Variants in RPRD1B observed in about 807,000 individuals in gnomAD.
The protein encoded by RPRD1B is regulation of nuclear pre-mRNA domain-containing protein 1B.
RPRD1B carries 11 observed loss-of-function variants against 41.5 expected under a neutral mutation model. That is an observed-to-expected ratio of 0.27 (90% confidence interval 0.17 to 0.44). The LOEUF is 0.44. Ranked by LOEUF, RPRD1B falls within the 20% of genes least tolerant of loss-of-function variation. The probability of loss-of-function intolerance (pLI) is 1.00; values close to 1 mark genes in which losing one functional copy is unlikely to be tolerated. For synonymous variants in RPRD1B, 158 were observed against 155.6 expected (o/e 1.02, Z -0.12); for missense variants, 248 against 389.9 (o/e 0.64, Z 3.06).
intron 2 of RPRD1B, among the ~76,000 whole-genome samples, chr20:38,045,455 C>T (rs2074111335): frequency 6.6e-6 from 1 of 152,162 alleles, no homozygotes; most frequent in Non-Finnish European, 1.5e-5. Flanking sequence ...ACTTATCTAG[C>T]AAAACTTTGA....
intron 6 of RPRD1B, among the ~76,000 whole-genome samples, chr20:38,077,254 C>T (rs2074471828): frequency 6.6e-6 from 1 of 152,176 alleles, no homozygotes; most frequent in South Asian, 2.1e-4. Flanking sequence ...CTTAGGCTGG[C>T]TTCAGTTACC....
In RPRD1B at chr20:38,090,084, C is replaced by G. The variant is rs967614705; in HGVS notation, c.*209C>G. The G allele has an allele frequency of 7.8e-7, 1 of 1,289,092 alleles. No individual in the cohort carries two copies. The highest frequency in any genetic ancestry group is 9.8e-7 in the Non-Finnish European group (1 of 1,016,228). The allele number at this position is 1,289,092 out of a possible 1,614,324, so 79.9% of individuals were successfully genotyped here. On this transcript the variant is annotated 3_prime_UTR_variant, in exon 7 of 7. Transcript: ENST00000373433. ...TGGCGACTGGAATCTGGTTTATATT[C>G]ATATTTGCAAAGACTACAGACTTTT... is the stretch of plus-strand genomic sequence containing the variant.
At chr20:38,057,760 C>T (rs1360490972) in intron 4 of RPRD1B, 116 bp downstream of exon 4, 1 of 688,434 alleles carries the variant, frequency 1.5e-6, no homozygotes. Context: ...GAGGGCACCT[C>T]TCAGGGGCCC....
At chr20:38,035,232 G>A in intron 1 of RPRD1B, among the ~76,000 whole-genome samples, 1 of 152,280 alleles carries the variant, frequency 6.6e-6, no homozygotes, top group Non-Finnish European at 1.5e-5. Context: ...ACAGTCTGGT[G>A]GGGAAAGATG....
intron 3 of RPRD1B, chr20:38,049,690 G>A (rs1475035946): frequency 6.4e-6 from 3 of 470,868 alleles, no homozygotes; most frequent in South Asian, 4.6e-5. Flanking sequence ...TAAAGAGTAA[G>A]ATCAAATGTT....
chr20:38,081,457 A>G (rs1407189969), intron 6 of RPRD1B, among the ~76,000 whole-genome samples: 1 of 152,196 alleles, frequency 6.6e-6, no homozygotes, highest in Non-Finnish European at 1.5e-5. Context: ...TTGGGTAGAC[A>G]TTATGGGGTT....
intron 2 of RPRD1B, among the ~76,000 whole-genome samples, chr20:38,047,988 A>G (rs1342404589): frequency 6.6e-6 from 1 of 152,214 alleles, no homozygotes; most frequent in East Asian, 1.9e-4. Context: ...TCTATCTTTA[A>G]GAGTTCTGAT....
At chr20:38,063,830 C>T (rs543659386) in intron 5 of RPRD1B, among the ~76,000 whole-genome samples, 4 of 152,302 alleles carry the variant, frequency 2.6e-5, no homozygotes, top group East Asian at 3.9e-4. Context: ...TCCCCCGAAG[C>T]GAGCATCTGG....
At chr20:38,038,476 A>ATTTTTTT (rs1287729946) in intron 1 of RPRD1B, among the ~76,000 whole-genome samples, 1 of 85,776 alleles carries the variant, frequency 1.2e-5, no homozygotes, top group African/African-American at 5.1e-5. Context: ...CGCCCGGCTG[A>ATTTTTTT]TTTTTTTTGT....
In RPRD1B at chr20:38,091,401, T is replaced by C; in HGVS notation, c.*1526T>C. 3 of 985,446 alleles carry C rather than the reference T, an allele frequency of 3.0e-6. No homozygotes were observed. The highest frequency in any genetic ancestry group is 9.4e-5 in the South Asian group (2 of 21,290). 61.0% of individuals were successfully genotyped at this position (985,446 alleles called of 1,614,324 possible). A position where few individuals can be genotyped will look rare whatever the true frequency, so the allele number is the denominator to read the frequency against. On this transcript the variant is annotated 3_prime_UTR_variant, in exon 7 of 7. Coordinates refer to ENST00000373433, the MANE Select transcript of RPRD1B (RefSeq NM_021215.4). ...CCTGCTTGTCATGAAGTGAGAACAA[T>C]GAAAAGTCATAGCAGATACTCAGTT...
In RPRD1B at chr20:38,090,815, C is replaced by G; in HGVS notation, c.*940C>G. 2 of 985,402 alleles carry G rather than the reference C, an allele frequency of 2.0e-6. No individual in the cohort carries two copies. The highest frequency in any genetic ancestry group is 9.4e-5 in the South Asian group (2 of 21,274). The allele number at this position is 985,402 out of a possible 1,614,324, so 61.0% of individuals were successfully genotyped here. A position where few individuals can be genotyped will look rare whatever the true frequency, so the allele number is the denominator to read the frequency against. On this transcript the variant is annotated 3_prime_UTR_variant, in exon 7 of 7. Coordinates refer to ENST00000373433, the MANE Select transcript of RPRD1B (RefSeq NM_021215.4). Reference sequence around the variant, plus strand: ...GTAGGGTACACACTAACGTTTAATCCGCTGTCTGGGTGCATGTCCACAGTA... The same window carrying G: ...GTAGGGTACACACTAACGTTTAATCGGCTGTCTGGGTGCATGTCCACAGTA...
rs1212239442 is a variant in RPRD1B, at chr20:38,089,331, G to GT, written c.832-387dup. 8.6e-5 allele frequency among the ~76,000 whole-genome samples: 13 copies of GT among 151,836 alleles called. No homozygotes were observed. The East Asian group carries it at 2.3e-3, about 27-fold the overall frequency. On this transcript the variant is annotated intron_variant, in intron 6 of 6. Coordinates refer to ENST00000373433, the MANE Select transcript of RPRD1B (RefSeq NM_021215.4). ...TTAACATAGGAAGTATAACTTCAGTGTTTTTTTTCTTGCCATATCTAGGTG... is the reference window on the plus strand; with the variant it reads ...TTAACATAGGAAGTATAACTTCAGTGTTTTTTTTTCTTGCCATATCTAGGTG...
At chr20:38,034,501 A>C (rs1043658655) in intron 1 of RPRD1B, among the ~76,000 whole-genome samples, 2 of 152,064 alleles carry the variant, frequency 1.3e-5, no homozygotes, top group Non-Finnish European at 1.5e-5. Context: ...TGGCTCAGCT[A>C]TTTGCCAGCT....
intron 6 of RPRD1B, among the ~76,000 whole-genome samples, chr20:38,072,416 T>A (rs974648611): frequency 2.0e-5 from 3 of 152,162 alleles, no homozygotes; most frequent in African/African-American, 7.3e-5. Flanking sequence ...TCTCCATCAC[T>A]GTAGTTTTGT....
chr20:38,035,914 G>A (rs865917278), intron 1 of RPRD1B, among the ~76,000 whole-genome samples: 3 of 151,946 alleles, frequency 2.0e-5, no homozygotes, highest in South Asian at 2.1e-4. Flanking sequence ...ACAGGGGCCC[G>A]CCACCACACC....
chr20:38,089,926 C>A lies in RPRD1B; in HGVS notation c.*51C>A. Reference sequence around the variant, plus strand: ...GTTTGTACCAGCAGAAAGAAGAGGGCAAGTCATGGTTGGAAATAACCTTCT... The same window carrying A: ...GTTTGTACCAGCAGAAAGAAGAGGGAAAGTCATGGTTGGAAATAACCTTCT... On this transcript the variant is annotated 3_prime_UTR_variant, in exon 7 of 7. Coordinates refer to ENST00000373433, the MANE Select transcript of RPRD1B (RefSeq NM_021215.4). 1 of 1,592,932 alleles carries A rather than the reference C, an allele frequency of 6.3e-7. No homozygotes were observed. The highest frequency in any genetic ancestry group is 1.8e-5 in the Admixed American group (1 of 55,896).
At chr20:38,088,009 T>C (rs1452429937) in intron 6 of RPRD1B, among the ~76,000 whole-genome samples, 1 of 152,194 alleles carries the variant, frequency 6.6e-6, no homozygotes, top group Non-Finnish European at 1.5e-5. Flanking sequence ...GCTAATCATT[T>C]ACGTAAGTCA....
intron 4 of RPRD1B, among the ~76,000 whole-genome samples, chr20:38,058,963 C>T (rs1018586921): frequency 6.6e-6 from 1 of 152,180 alleles, no homozygotes; most frequent in Non-Finnish European, 1.5e-5. Context: ...ATCCTCCTGC[C>T]TTGGCTTCCC....
chr20:38,049,367 C>CTTTTTTT (rs11481142), intron 3 of RPRD1B, among the ~76,000 whole-genome samples: 72 of 93,412 alleles, frequency 7.7e-4, no homozygotes, highest in Non-Finnish European at 8.5e-4. Context: ...TTCTTTTTTT[C>CTTTTTTT]TTTTTTTTTT....
Sources: gnomAD v4.1 joint callset for allele counts (sites outside exome capture counted in the v4.1 genomes callset) on GRCh38, gnomAD v4.1.1 for gene constraint, MANE v1.5 for transcripts, NCBI Gene and HGNC (gene_info 2026-07-23, HGNC 2026-07-21) for gene names.